The following MAGI2 variants were observed in gnomAD, a reference collection of about 807,000 sequenced individuals.
The protein encoded by MAGI2 is membrane-associated guanylate kinase, WW and PDZ domain-containing protein 2.
A neutral mutation model predicts 133.3 loss-of-function variants in MAGI2; 35 were observed. That is an observed-to-expected ratio of 0.26 (90% CI 0.20 to 0.35). MAGI2 has a LOEUF of 0.35. Among genes scored for constraint, MAGI2 ranks in the 10% least tolerant of loss-of-function variants. The pLI, the probability that MAGI2 is intolerant of heterozygous loss-of-function variation, is 1.00. For synonymous variants in MAGI2, 729 were observed against 710.6 expected (o/e 1.03, Z -0.41); for missense variants, 1,636 against 1,863.4 (o/e 0.88, Z 2.25).
chr7:78,177,889 T>G, intron 14 of MAGI2, 122 bp downstream of exon 14: 1 of 669,876 alleles, frequency 1.5e-6, no homozygotes, highest in Non-Finnish European at 2.5e-6. Context: ...AATCCAAAGC[T>G]TAAACTTCTT....
chr7:78,107,760 T>C (rs1225048824), intron 20 of MAGI2, among the ~76,000 whole-genome samples: 1 of 151,830 alleles, frequency 6.6e-6, no homozygotes, highest in Non-Finnish European at 1.5e-5. Context: ...CATTTCTTCT[T>C]GGTTTTCCAG....
intron 9 of MAGI2, among the ~76,000 whole-genome samples, chr7:78,263,453 G>T (rs983579757): frequency 6.6e-6 from 1 of 152,026 alleles, no homozygotes; most frequent in Non-Finnish European, 1.5e-5. Context: ...CTCTTAGCTG[G>T]GCTCCCTGAT....
At chr7:78,176,908 G>GACTCACACACACACACACAC (rs781171770) in intron 14 of MAGI2, among the ~76,000 whole-genome samples, 1 of 130,432 alleles carries the variant, frequency 7.7e-6, no homozygotes, top group South Asian at 2.6e-4. Context: ...ACCATATATA[G>GACTCACACACACACACACAC]ACACACACAC....
intron 9 of MAGI2, among the ~76,000 whole-genome samples, chr7:78,280,778 C>T (rs989296338): frequency 1.3e-4 from 19 of 142,522 alleles, no homozygotes; most frequent in Admixed American, 6.1e-4. Context: ...GTTAGAAATA[C>T]GGAATGTCAA....
rs373426905 is a variant in MAGI2 at position 78,408,077 on chromosome 7, T to C, written c.1046-38864A>G. On this transcript the variant is annotated intron_variant, in intron 6 of 21. Transcript: ENST00000354212. ...TCCAGGTAATTTGCAACTCCCTCCC[T>C]TCTATGCTTATCATCCAATTTCATA... is the stretch of plus-strand genomic sequence containing the variant. Among the ~76,000 whole-genome samples the C allele has an allele frequency of 9.5e-4, 144 of 152,212 alleles. 1 individual carries two copies. The highest frequency in any genetic ancestry group is 3.1e-3 in the African/African-American group (129 of 41,566).
intron 1 of MAGI2, among the ~76,000 whole-genome samples, chr7:79,264,166 C>G (rs1834278731): frequency 1.3e-5 from 2 of 152,160 alleles, no homozygotes; most frequent in Admixed American, 1.3e-4. Flanking sequence ...GTGCACACTA[C>G]CCACATCTCA....
intron 1 of MAGI2, among the ~76,000 whole-genome samples, chr7:79,173,607 C>G (rs1210226908): frequency 6.6e-6 from 1 of 152,060 alleles, no homozygotes; most frequent in Non-Finnish European, 1.5e-5. Context: ...ACTGGAATTT[C>G]AGGTGTAAGC....
chr7:79,133,258 C>G (rs1482072058), intron 1 of MAGI2, among the ~76,000 whole-genome samples: 1 of 152,142 alleles, frequency 6.6e-6, no homozygotes, highest in Non-Finnish European at 1.5e-5. Context: ...CCAACATTAT[C>G]TTCTAGAATT....
At chr7:78,396,013 G>A (rs1164883362) in intron 6 of MAGI2, among the ~76,000 whole-genome samples, 1 of 152,164 alleles carries the variant, frequency 6.6e-6, no homozygotes, top group African/African-American at 2.4e-5. Context: ...GAAACCACAT[G>A]TTTGTCATTG....
intron 10 of MAGI2, among the ~76,000 whole-genome samples, chr7:78,244,643 T>C (rs1490965466): frequency 6.6e-6 from 1 of 152,176 alleles, no homozygotes; most frequent in Admixed American, 6.5e-5. Context: ...TTTAGGCCAA[T>C]GTCATTTAAA....
intron 1 of MAGI2, among the ~76,000 whole-genome samples, chr7:79,279,626 G>A (rs775350755): frequency 8.5e-5 from 13 of 152,160 alleles, no homozygotes; most frequent in Non-Finnish European, 1.8e-4. Flanking sequence ...CCCTGATTGA[G>A]CTACGGCACT....
At chr7:78,691,462 G>C (rs1290598203) in intron 2 of MAGI2, among the ~76,000 whole-genome samples, 1 of 152,166 alleles carries the variant, frequency 6.6e-6, no homozygotes, top group Non-Finnish European at 1.5e-5. Context: ...GAAAATAACA[G>C]GGTACTTAGA....
chr7:78,929,738 A>T (rs551530636), intron 2 of MAGI2, among the ~76,000 whole-genome samples: 199 of 152,156 alleles, frequency 1.3e-3, no homozygotes, highest in Middle Eastern at 6.8e-3. Flanking sequence ...CCCCTATCTG[A>T]AGATCCTTAA....
chr7:78,104,285 C>G (rs1233663858), intron 20 of MAGI2, among the ~76,000 whole-genome samples: 1 of 152,040 alleles, frequency 6.6e-6, no homozygotes, highest in Non-Finnish European at 1.5e-5. Context: ...TGCAGTGGCT[C>G]GATGTCGGCT....
chr7:78,520,485 A>C (rs1396730211), intron 4 of MAGI2, among the ~76,000 whole-genome samples: 1 of 152,146 alleles, frequency 6.6e-6, no homozygotes, highest in African/African-American at 2.4e-5. Context: ...CTTAAGAATA[A>C]TATGTATGAA....
intron 3 of MAGI2, among the ~76,000 whole-genome samples, chr7:78,528,875 G>A (rs1797201525): frequency 6.6e-6 from 1 of 151,906 alleles, no homozygotes; most frequent in Non-Finnish European, 1.5e-5. Flanking sequence ...ATACCAAATA[G>A]CATTTTGTCA....
chr7:79,119,116 A>C (rs1819659075), intron 1 of MAGI2, among the ~76,000 whole-genome samples: 1 of 152,152 alleles, frequency 6.6e-6, no homozygotes. Flanking sequence ...GCATAAATTT[A>C]ATTGACATAA....
Position 78,703,874 on chromosome 7 carries a change from C to T in MAGI2, c.419-76635G>A, listed in dbSNP as rs774484448. 2.1e-4 allele frequency among the ~76,000 whole-genome samples: 31 copies of T among 151,132 alleles called. 1 individual carries two copies. The highest frequency in any genetic ancestry group is 4.6e-4 in the Non-Finnish European group (31 of 67,744). ...CTTTTCTTCAATGAACAGCTTAGAA[C>T]TAGAGGAACAAAATTAGTTAATTAA... On this transcript the variant is annotated intron_variant, in intron 2 of 21. Coordinates refer to ENST00000354212, the MANE Select transcript of MAGI2 (RefSeq NM_012301.4).
At chr7:78,103,126 A>G (rs1224411231) in intron 20 of MAGI2, among the ~76,000 whole-genome samples, 1 of 152,212 alleles carries the variant, frequency 6.6e-6, no homozygotes, top group Non-Finnish European at 1.5e-5. Context: ...AATCTCCTCA[A>G]GACAAAATTG....
Sources: allele counts gnomAD v4.1 joint callset (sites outside exome capture counted in the v4.1 genomes callset), GRCh38; gene constraint gnomAD v4.1.1; transcripts MANE v1.5; gene names NCBI Gene and HGNC (gene_info 2026-07-23, HGNC 2026-07-21).